Variants in VPS13B observed in about 807,000 individuals in gnomAD.
The protein encoded by VPS13B is vacuolar protein sorting 13 homolog B, also known as intermembrane lipid transfer protein VPS13B.
Under a neutral mutation model 426.4 loss-of-function variants are expected in VPS13B, and 285 were observed. The ratio of observed to expected loss-of-function variants is 0.67; its 90% CI spans 0.61 to 0.74. VPS13B has a LOEUF of 0.74. Ranked by LOEUF, VPS13B falls within the 30% of genes least tolerant of loss-of-function variation. VPS13B has a pLI of 0.00. For synonymous variants in VPS13B, 1,676 were observed against 1,676.4 expected (o/e 1.00, Z 0.01); for missense variants, 4,537 against 4,782.6 (o/e 0.95, Z 1.51).
intron 51 of VPS13B, among the ~76,000 whole-genome samples, chr8:99,826,811 G>C (rs1814713808): frequency 6.6e-6 from 1 of 151,852 alleles, no homozygotes; most frequent in South Asian, 2.1e-4. Flanking sequence ...GGCCTTTTTT[G>C]CATCTATTGA....
rs114432073 is a variant in VPS13B at position 99,375,484 on chromosome 8, A to T, written c.2825-8724A>T. On this transcript the variant is annotated intron_variant, in intron 19 of 61. Transcript: ENST00000357162. ...ATGAGCTACCATACGCACATACCAT[A>T]CATGTATGTATTGTACCATACATAC... Among the ~76,000 whole-genome samples the T allele has an allele frequency of 4.9e-3, 740 of 152,302 alleles. 9 individuals carry two copies. The highest frequency in any genetic ancestry group is 0.017 in the African/African-American group (708 of 41,568).
intron 17 of VPS13B, among the ~76,000 whole-genome samples, chr8:99,238,206 G>T (rs1816740085): frequency 6.6e-6 from 1 of 151,854 alleles, no homozygotes; most frequent in African/African-American, 2.4e-5. Flanking sequence ...TATATTAATT[G>T]TACACTTCTC....
intron 33 of VPS13B, among the ~76,000 whole-genome samples, chr8:99,606,623 T>C (rs553339511): frequency 1.2e-4 from 17 of 147,432 alleles, no homozygotes; most frequent in Admixed American, 3.6e-4. Context: ...TTTTTCTTTT[T>C]CTTTTCTTTT....
At chr8:99,721,886 T>C (rs1442457396) in intron 39 of VPS13B, among the ~76,000 whole-genome samples, 2 of 152,242 alleles carry the variant, frequency 1.3e-5, no homozygotes, top group Admixed American at 1.3e-4. Flanking sequence ...AGCTTCCTAA[T>C]TGGCCTCTAT....
intron 35 of VPS13B, among the ~76,000 whole-genome samples, chr8:99,689,404 G>A (rs1405190219): frequency 2.6e-5 from 4 of 152,130 alleles, no homozygotes; most frequent in African/African-American, 7.2e-5. Context: ...AATATCAGTA[G>A]GTGCCTGGTA....
intron 16 of VPS13B, among the ~76,000 whole-genome samples, chr8:99,180,936 G>A (rs1017006610): frequency 3.9e-5 from 6 of 152,118 alleles, no homozygotes; most frequent in African/African-American, 9.7e-5. Flanking sequence ...AGAATGTTAA[G>A]GATTGTGACA....
chr8:99,028,943 G>C (rs1317072125), intron 2 of VPS13B, among the ~76,000 whole-genome samples: 2 of 141,102 alleles, frequency 1.4e-5, no homozygotes, highest in East Asian at 2.3e-4. Flanking sequence ...TTCCCAGACG[G>C]GGTGGCTGCC....
At chr8:99,776,660 A>G (rs1214797626) in intron 40 of VPS13B, 115 bp from the exon 41 acceptor site, 6 of 962,886 alleles carry the variant, frequency 6.2e-6, no homozygotes, top group Non-Finnish European at 9.7e-6. Flanking sequence ...TTGATAAAAT[A>G]TTGACTATAG....
At chr8:99,650,862 T>C (rs1240038825) in intron 34 of VPS13B, among the ~76,000 whole-genome samples, 1 of 152,172 alleles carries the variant, frequency 6.6e-6, no homozygotes, top group Non-Finnish European at 1.5e-5. Context: ...TCAAAAGTAT[T>C]CCAAACAAAA....
chr8:99,218,655 A>G (rs1200021860), intron 17 of VPS13B, among the ~76,000 whole-genome samples: 1 of 152,248 alleles, frequency 6.6e-6, no homozygotes, highest in Non-Finnish European at 1.5e-5. Context: ...CATGGTCTTG[A>G]AAACTGAAAA....
intron 30 of VPS13B, among the ~76,000 whole-genome samples, chr8:99,540,661 C>G (rs1823568375): frequency 6.6e-6 from 1 of 152,056 alleles, no homozygotes; most frequent in South Asian, 2.1e-4. Flanking sequence ...ATTTTTAGAA[C>G]TAAATTTTTG....
At chr8:99,272,127 A>G (rs769343345) in intron 17 of VPS13B, among the ~76,000 whole-genome samples, 8 of 152,230 alleles carry the variant, frequency 5.3e-5, no homozygotes, top group Non-Finnish European at 8.8e-5. Context: ...GTTTAATACA[A>G]CTATCATAGA....
At chr8:99,421,186 C>T (rs1816348268) in intron 21 of VPS13B, among the ~76,000 whole-genome samples, 1 of 152,100 alleles carries the variant, frequency 6.6e-6, no homozygotes, top group Non-Finnish European at 1.5e-5. Flanking sequence ...ATGAAGGAAT[C>T]ATATTGTACC....
chr8:99,640,284 T>C (rs1829304654), intron 33 of VPS13B, among the ~76,000 whole-genome samples: 1 of 151,994 alleles, frequency 6.6e-6, no homozygotes, highest in African/African-American at 2.4e-5. Context: ...TTTGTTTTTG[T>C]TTTTGTTTTT....
chr8:99,835,337 C>G lies in VPS13B; in HGVS notation c.9742+13C>G, dbSNP rs112919682. On this transcript the variant is annotated intron_variant, in intron 53 of 61. Transcript: ENST00000357162. Reference sequence around the variant, plus strand: ...GAAAACATTAAAGGTATGTTTTATACTATCGAATTTAGATAATACTAAATG... The same window carrying G: ...GAAAACATTAAAGGTATGTTTTATAGTATCGAATTTAGATAATACTAAATG... 2.0e-5 allele frequency: 32 copies of G among 1,605,568 alleles called. No individual in the cohort carries two copies. In the East Asian group the frequency reaches 2.9e-4, roughly 15 times the overall value.
At chr8:99,427,819 G>A (rs1381357068) in intron 21 of VPS13B, among the ~76,000 whole-genome samples, 76 of 151,968 alleles carry the variant, frequency 5.0e-4, no homozygotes, top group East Asian at 5.8e-4. Flanking sequence ...AAAAGAGCCC[G>A]CATTGCCAAG....
intron 44 of VPS13B, among the ~76,000 whole-genome samples, chr8:99,816,054 A>G (rs963194045): frequency 1.3e-5 from 2 of 150,118 alleles, no homozygotes; most frequent in African/African-American, 4.9e-5. Flanking sequence ...CTAGTCTCAA[A>G]CTCCTAACCT....
rs533831340 is a variant in VPS13B, at chr8:99,249,016, A to G, written c.2516-25182A>G. Among the ~76,000 whole-genome samples, 13 of 152,234 alleles carry G rather than the reference A, an allele frequency of 8.5e-5. No homozygotes were observed. The South Asian group carries it at 2.7e-3, about 32-fold the overall frequency. Reference sequence around the variant, plus strand: ...TTATATCACTCCATAAAAATACCCCATAGCTTCTAAGTAATTGCTCATAAT... The same window carrying G: ...TTATATCACTCCATAAAAATACCCCGTAGCTTCTAAGTAATTGCTCATAAT... On this transcript the variant is annotated intron_variant, in intron 17 of 61. Transcript: ENST00000357162.
intron 33 of VPS13B, among the ~76,000 whole-genome samples, chr8:99,602,848 A>G (rs1383006888): frequency 6.6e-6 from 1 of 152,228 alleles, no homozygotes; most frequent in Non-Finnish European, 1.5e-5. Flanking sequence ...CTTCAAGGAG[A>G]ACTACAAACC....
Sources: allele counts gnomAD v4.1 joint callset (sites outside exome capture counted in the v4.1 genomes callset), GRCh38; gene constraint gnomAD v4.1.1; transcripts MANE v1.5; gene names NCBI Gene and HGNC (gene_info 2026-07-23, HGNC 2026-07-21).